Variants in MFSD1 observed in about 807,000 individuals in gnomAD.
MFSD1 encodes the protein major facilitator superfamily domain containing 1, also known as lysosomal dipeptide transporter MFSD1.
A neutral mutation model predicts 67.1 loss-of-function variants in MFSD1; 59 were observed. That is an observed-to-expected ratio of 0.88 (90% CI 0.71 to 1.09). The LOEUF (loss-of-function observed/expected upper bound fraction) is 1.09, where lower values mean the gene tolerates loss of function less well. Among genes scored for constraint, MFSD1 ranks in the 50% least tolerant of loss-of-function variants. MFSD1 has a pLI of 0.00. For missense variants in MFSD1, 552 were observed against 566.1 expected (o/e 0.97, Z 0.25); for synonymous variants, 213 against 200.3 (o/e 1.06, Z -0.54).
chr3:158,804,417 A>G (rs1437688784), intron 2 of MFSD1, 46 bp downstream of exon 2: 5 of 1,520,396 alleles, frequency 3.3e-6, no homozygotes, highest in Non-Finnish European at 3.6e-6. Context: ...CTTTAGAGCA[A>G]GTGTAGCGGT....
intron 9 of MFSD1, among the ~76,000 whole-genome samples, chr3:158,820,915 A>C (rs536607663): frequency 4.6e-5 from 7 of 152,092 alleles, no homozygotes; most frequent in Middle Eastern, 6.8e-3. Flanking sequence ...AACCATGTCA[A>C]TACCTAATAA....
chr3:158,818,941 C>A (rs1730520682), intron 7 of MFSD1, among the ~76,000 whole-genome samples: 1 of 152,196 alleles, frequency 6.6e-6, no homozygotes. Context: ...GGTGATTCAG[C>A]TCGTTAGAGC....
At chr3:158,821,239 T>C (rs1185636523) in intron 9 of MFSD1, among the ~76,000 whole-genome samples, 1 of 152,230 alleles carries the variant, frequency 6.6e-6, no homozygotes, top group African/African-American at 2.4e-5. Context: ...TCCTTTTAAA[T>C]AGTTTCAGAC....
At chr3:158,820,458 G>A in intron 9 of MFSD1, 132 bp downstream of exon 9, 1 of 616,622 alleles carries the variant, frequency 1.6e-6, no homozygotes, top group Non-Finnish European at 2.8e-6. Flanking sequence ...AATTACTTTA[G>A]ATCCTGGGAT....
intron 13 of MFSD1, among the ~76,000 whole-genome samples, chr3:158,825,744 G>A (rs1410460156): frequency 6.6e-6 from 1 of 152,172 alleles, no homozygotes; most frequent in African/African-American, 2.4e-5. Context: ...GGCAGGGCTG[G>A]GCTGTGGCTG....
chr3:158,814,565 C>T (rs73017576), intron 7 of MFSD1, among the ~76,000 whole-genome samples: 2,791 of 152,194 alleles, frequency 0.018, 49 homozygotes, highest in African/African-American at 0.053. Flanking sequence ...AGGGGATCCG[C>T]TCACTTCTGC....
chr3:158,815,857 A>G (rs1445788715), intron 7 of MFSD1, among the ~76,000 whole-genome samples: 5 of 150,228 alleles, frequency 3.3e-5, no homozygotes, highest in Non-Finnish European at 7.4e-5. Context: ...CCTGTGTCCA[A>G]GTGTTCTCAT....
chr3:158,824,067 G>A (rs2108234325), intron 12 of MFSD1, 57 bp from the exon 13 acceptor site: 1 of 1,156,788 alleles, frequency 8.6e-7, no homozygotes, highest in Non-Finnish European at 1.3e-6. Context: ...TGAAGTGTTA[G>A]CCTATGTGTG....
At chr3:158,822,839 T>C (rs1005798540) in intron 11 of MFSD1, 8 of 154,850 alleles carry the variant, frequency 5.2e-5, no homozygotes, top group African/African-American at 7.2e-5. Context: ...TGTGACTTTT[T>C]TTAGTATCCT....
chr3:158,813,994 A>G lies in MFSD1; in HGVS notation c.579A>G (p.Gly193=), dbSNP rs375138664. ...IGSTVNMNLM[G]WLYSKIEALL... ...GTACAGTAAACATGAACCTCATGGG[A>G]TGGCTGTATTCTAAGATTGAAGCTT... The change falls in exon 7 of 16, where the codon GGA becomes GGG. Residue 193 remains glycine (G), a synonymous_variant. Transcript: ENST00000415822. 6.2e-7 allele frequency: 1 copy of G among 1,612,978 alleles called. No individual in the cohort carries two copies. Among genetic ancestry groups the G allele is most frequent in the African/African-American group, 1.3e-5 (1 of 74,706 alleles).
intron 6 of MFSD1, among the ~76,000 whole-genome samples, chr3:158,810,909 C>G (rs1729974343): frequency 6.6e-6 from 1 of 152,096 alleles, no homozygotes; most frequent in Non-Finnish European, 1.5e-5. Flanking sequence ...GAGTCTTGTG[C>G]AAGTCCAGAT....
intron 11 of MFSD1, 159 bp from the exon 12 acceptor site, chr3:158,823,269 G>C (rs1730768659): frequency 1.6e-6 from 1 of 625,676 alleles, no homozygotes; most frequent in South Asian, 1.8e-5. Flanking sequence ...GCAGAGACTT[G>C]TTTTGTATAT....
intron 12 of MFSD1, 47 bp downstream of exon 12, chr3:158,823,572 A>G (rs1236358215): frequency 7.7e-7 from 1 of 1,292,914 alleles, no homozygotes. Flanking sequence ...CTGCTATGTC[A>G]ATTTAATTAT....
At chr3:158,815,006 T>A (rs1730248557) in intron 7 of MFSD1, among the ~76,000 whole-genome samples, 1 of 152,058 alleles carries the variant, frequency 6.6e-6, no homozygotes, top group African/African-American at 2.4e-5. Flanking sequence ...CCCTTGAACC[T>A]GGGAGGTGGA....
At chr3:158,815,226 A>G (rs1049771029) in intron 7 of MFSD1, among the ~76,000 whole-genome samples, 3 of 152,174 alleles carry the variant, frequency 2.0e-5, no homozygotes, top group Non-Finnish European at 4.4e-5. Context: ...GTTTGATGTG[A>G]TATGATATGG....
At chr3:158,825,902 T>A (rs111758808) in intron 13 of MFSD1, 113 bp from the exon 14 acceptor site, 1 of 763,308 alleles carries the variant, frequency 1.3e-6, no homozygotes, top group African/African-American at 1.7e-5. Flanking sequence ...TTATTTAAAA[T>A]AGCAATTAAT....
In MFSD1 at chr3:158,814,611, G is replaced by A. The variant is rs148852985; in HGVS notation, c.652+544G>A. Among the ~76,000 whole-genome samples, 92 of 151,978 alleles carry A rather than the reference G, an allele frequency of 6.1e-4. 7 individuals are homozygous for A. In the East Asian group the frequency reaches 1.0e-2, roughly 16 times the overall value. On this transcript the variant is annotated intron_variant, in intron 7 of 15. Transcript: ENST00000415822. ...GCTGGGATTACAGGCGTGAGCCACC[G>A]CACCTGGCCTGTTGTCTACTTTAAT...
In MFSD1 at chr3:158,821,644, C is replaced by T. The variant is rs1426353749; in HGVS notation, c.911C>T (p.Ala304Val). ...KFGFSSQAAS[A>V]INSVVYVISA... Reference sequence around the variant, plus strand: ...GGATTTTCTTCCCAGGCAGCAAGTGCAATTAACAGGTATTTTAAAATTAAT... The same window carrying T: ...GGATTTTCTTCCCAGGCAGCAAGTGTAATTAACAGGTATTTTAAAATTAAT... Residue 304 changes from alanine (A) to valine (V), a missense_variant, in exon 10 of 16, where the codon GCA becomes GTA. Coordinates refer to ENST00000415822, the MANE Select transcript of MFSD1 (RefSeq NM_022736.4). The T allele has an allele frequency of 1.2e-6, 2 of 1,607,484 alleles. No homozygotes were observed. Among genetic ancestry groups the T allele is most frequent in the Non-Finnish European group, 1.7e-6 (2 of 1,176,008 alleles).
In MFSD1 at chr3:158,825,995, C is replaced by A; in HGVS notation, c.1289-20C>A. On this transcript the variant is annotated intron_variant, in intron 13 of 15. Transcript: ENST00000415822. The stretch of plus-strand genomic sequence containing the variant: ...AGAAGAAATACATATTTTAAGGGCC[C>A]TATGTTTTTTCACTCCTAGTGTCAC... The A allele has an allele frequency of 1.2e-6, 2 of 1,602,760 alleles. No individual in the cohort carries two copies. Among genetic ancestry groups the A allele is most frequent in the Non-Finnish European group, 1.7e-6 (2 of 1,170,210 alleles).
Sources: allele counts gnomAD v4.1 joint callset (sites outside exome capture counted in the v4.1 genomes callset), GRCh38; gene constraint gnomAD v4.1.1; transcripts MANE v1.5; gene names NCBI Gene and HGNC (gene_info 2026-07-23, HGNC 2026-07-21).